The following ALG5 variants were observed in gnomAD, a reference collection of about 807,000 sequenced individuals.
ALG5 encodes dolichyl-phosphate beta-glucosyltransferase.
A neutral mutation model predicts 51.8 loss-of-function variants in ALG5; 26 were observed. The ratio of observed to expected loss-of-function variants is 0.50; its 90% CI spans 0.37 to 0.70. ALG5 has a LOEUF of 0.70. ALG5 is among the 30% of genes least tolerant of loss of function. The probability of loss-of-function intolerance (pLI) is 0.00; values close to 1 mark genes in which losing one functional copy is unlikely to be tolerated. For missense variants in ALG5, 311 were observed against 399.3 expected (o/e 0.78, Z 1.88); for synonymous variants, 141 against 136.1 (o/e 1.04, Z -0.25).
chr13:36,969,521 TTTTA>T (rs759883964), intron 7 of ALG5, among the ~76,000 whole-genome samples: 61 of 151,874 alleles, frequency 4.0e-4, no homozygotes, highest in Non-Finnish European at 7.1e-4. Flanking sequence ...TTTTTATTTA[TTTTA>T]TTTATTTATT....
chr13:36,962,541 T>C (rs931614198), intron 8 of ALG5, among the ~76,000 whole-genome samples: 3 of 151,906 alleles, frequency 2.0e-5, no homozygotes, highest in Non-Finnish European at 4.4e-5. Context: ...TTGTTGCCCA[T>C]GCTGGTTTCA....
chr13:36,984,604 CTTTCT>C (rs895244394), intron 6 of ALG5, among the ~76,000 whole-genome samples: 2 of 152,036 alleles, frequency 1.3e-5, no homozygotes, highest in Non-Finnish European at 2.9e-5. Context: ...ATTGCCATTT[CTTTCT>C]TTTATTTTGT....
At position 36,985,696 on chromosome 13, in the gene ALG5, A is replaced by G; in HGVS notation, c.492T>C (p.Ala164=). The G allele has an allele frequency of 6.2e-7, 1 of 1,613,832 alleles. No homozygotes were observed. Among genetic ancestry groups the G allele is most frequent in the Non-Finnish European group, 8.5e-7 (1 of 1,179,908 alleles). Residue 164 remains alanine, a synonymous_variant, in exon 6 of 10, where the codon GCT becomes GCC. Coordinates refer to ENST00000239891, the MANE Select transcript of ALG5 (RefSeq NM_013338.5). ...CATCTGGAAACTTTGTGGCTCCATC[A>G]GCATCTGCCATAAGGATCTTTTCTC... ...SRGEKILMAD[A]DGATKFPDVE... is the part of the protein sequence containing the mutation.
chr13:36,960,988 A>T (rs565399941), intron 8 of ALG5, among the ~76,000 whole-genome samples: 50 of 152,254 alleles, frequency 3.3e-4, no homozygotes, highest in African/African-American at 1.2e-3. Flanking sequence ...TAGGTGAAGT[A>T]CAGCTCTGAA....
chr13:36,966,560 A>C (rs2138792815), intron 7 of ALG5, among the ~76,000 whole-genome samples: 1 of 152,320 alleles, frequency 6.6e-6, no homozygotes, highest in South Asian at 2.1e-4. Flanking sequence ...TCCAGGCTAG[A>C]GTCCAGTGGT....
At position 36,995,457 on chromosome 13, in the gene ALG5, A is replaced by G. The variant is rs748327198; in HGVS notation, c.206T>C (p.Val69Ala). The change falls in exon 2 of 10, where the codon GTC becomes GCC. Residue 69 changes from valine (V) to alanine (A), a missense_variant. Physicochemically the swap from Val to Ala is moderately conservative, Grantham distance 64. Coordinates refer to ENST00000239891, the MANE Select transcript of ALG5 (RefSeq NM_013338.5). Reference protein sequence around the residue: ...IWDSPTKQLSVVVPSYNEEKR... With the variant: ...IWDSPTKQLSAVVPSYNEEKR... ...TTCTTCATTGTATGAAGGCACAACG[A>G]CAGAAAGTTGTTTGGTAGGTGAGTC... 6.2e-7 allele frequency: 1 copy of G among 1,613,040 alleles called. No homozygotes were observed. The highest frequency in any genetic ancestry group is 8.5e-7 in the Non-Finnish European group (1 of 1,179,792).
chr13:36,979,649 GTTC>G (rs1274662294), intron 6 of ALG5, among the ~76,000 whole-genome samples: 1 of 152,082 alleles, frequency 6.6e-6, no homozygotes, highest in African/African-American at 2.4e-5. Context: ...GCTTCCTATG[GTTC>G]TTCTTAATGT....
At chr13:36,981,394 G>A (rs889572061) in intron 6 of ALG5, among the ~76,000 whole-genome samples, 1 of 152,102 alleles carries the variant, frequency 6.6e-6, no homozygotes, top group African/African-American at 2.4e-5. Context: ...CAAAACCCAC[G>A]TTCCTGTTTC....
At chr13:36,998,603 T>C (rs2059063483) in intron 1 of ALG5, among the ~76,000 whole-genome samples, 1 of 152,214 alleles carries the variant, frequency 6.6e-6, no homozygotes, top group Non-Finnish European at 1.5e-5. Flanking sequence ...TTGCATTCTA[T>C]CGTCCTGCCT....
At chr13:36,950,155 A>G (rs538961923) in intron 9 of ALG5, 98 bp from the exon 10 acceptor site, 2 of 636,844 alleles carry the variant, frequency 3.1e-6, no homozygotes, top group South Asian at 2.8e-5. Flanking sequence ...GTGAGCCTTT[A>G]GCACCTTAAT....
intron 9 of ALG5, among the ~76,000 whole-genome samples, chr13:36,951,310 C>T (rs2058817047): frequency 1.3e-5 from 2 of 152,166 alleles, no homozygotes; most frequent in Admixed American, 1.3e-4. Context: ...TTCCCAATCC[C>T]CTTTGATTCT....
rs915652994 is a variant in ALG5, at chr13:36,998,122, T to A, written c.66+1113A>T. On this transcript the variant is annotated intron_variant, in intron 1 of 9. Coordinates refer to ENST00000239891, the MANE Select transcript of ALG5 (RefSeq NM_013338.5). Reference sequence around the variant, plus strand: ...AACAAATACCGTCAGTACAATCCCATAAAATCTGTGCAAAAGACCCAAAGT... The same window carrying A: ...AACAAATACCGTCAGTACAATCCCAAAAAATCTGTGCAAAAGACCCAAAGT... 7.2e-5 allele frequency among the ~76,000 whole-genome samples: 11 copies of A among 152,196 alleles called. 1 individual carries two copies. Among genetic ancestry groups the A allele is most frequent in the South Asian group, 6.2e-4 (3 of 4,826 alleles).
chr13:36,980,778 G>A (rs931722330), intron 6 of ALG5, among the ~76,000 whole-genome samples: 1 of 151,668 alleles, frequency 6.6e-6, no homozygotes, highest in African/African-American at 2.4e-5. Context: ...TTTGAGACCA[G>A]CCTGGCCAAC....
At chr13:36,982,357 G>A (rs1425819775) in intron 6 of ALG5, among the ~76,000 whole-genome samples, 1 of 152,206 alleles carries the variant, frequency 6.6e-6, no homozygotes, top group East Asian at 1.9e-4. Context: ...ATGCAGTAGA[G>A]GCTGAAAGAT....
At chr13:36,954,903 T>C (rs1390567315) in intron 8 of ALG5, among the ~76,000 whole-genome samples, 1 of 151,870 alleles carries the variant, frequency 6.6e-6, no homozygotes, top group Non-Finnish European at 1.5e-5. Flanking sequence ...AATAAACATA[T>C]AAGAACAAAG....
chr13:36,976,763 T>C (rs976368993), intron 6 of ALG5, among the ~76,000 whole-genome samples: 6 of 151,810 alleles, frequency 4.0e-5, no homozygotes, highest in African/African-American at 1.5e-4. Flanking sequence ...AAAAAAAAAT[T>C]GTGTTATATA....
At chr13:36,980,956 A>AC (rs1209283565) in intron 6 of ALG5, among the ~76,000 whole-genome samples, 10 of 152,194 alleles carry the variant, frequency 6.6e-5, no homozygotes, top group Admixed American at 5.2e-4. Context: ...CCCAGGTGAC[A>AC]CAGGGAGACC....
At chr13:36,970,942 T>A (rs1488569837) in intron 7 of ALG5, among the ~76,000 whole-genome samples, 2 of 151,668 alleles carry the variant, frequency 1.3e-5, no homozygotes, top group East Asian at 1.9e-4. Context: ...AAAAAGAGAG[T>A]CTGGGTTTTT....
In ALG5 at chr13:36,958,798, T is replaced by C. The variant is rs7983832; in HGVS notation, c.774-6199A>G. Among the ~76,000 whole-genome samples the C allele has an allele frequency of 7.1e-3, 1,080 of 152,110 alleles. 15 individuals carry two copies. The highest frequency in any genetic ancestry group is 0.025 in the African/African-American group (1,029 of 41,510). On this transcript the variant is annotated intron_variant, in intron 8 of 9. Coordinates refer to ENST00000239891, the MANE Select transcript of ALG5 (RefSeq NM_013338.5). The stretch of plus-strand genomic sequence containing the variant: ...AGGTTGTAAAGAGGGCTCACTGAAA[T>C]ACAAATTAGGCTAAAGCAGGAGGTA...
Sources: allele counts gnomAD v4.1 joint callset (sites outside exome capture counted in the v4.1 genomes callset), GRCh38; gene constraint gnomAD v4.1.1; transcripts MANE v1.5; gene names NCBI Gene and HGNC (gene_info 2026-07-23, HGNC 2026-07-21).